Variants in CNTNAP2 observed in about 807,000 individuals in gnomAD.
CNTNAP2 encodes the protein contactin associated protein 2.
Under a neutral mutation model 155.2 loss-of-function variants are expected in CNTNAP2, and 98 were observed. The ratio of observed to expected loss-of-function variants is 0.63; its 90% CI spans 0.54 to 0.75. The LOEUF (loss-of-function observed/expected upper bound fraction) is 0.75, where lower values mean the gene tolerates loss of function less well. CNTNAP2 is among the 30% of genes least tolerant of loss of function. CNTNAP2 has a pLI of 0.00. For synonymous variants in CNTNAP2, 651 were observed against 631.2 expected (o/e 1.03, Z -0.47); for missense variants, 1,727 against 1,688.1 (o/e 1.02, Z -0.40).
chr7:147,095,261 C>T (rs1166660808), intron 4 of CNTNAP2, among the ~76,000 whole-genome samples: 1 of 145,828 alleles, frequency 6.9e-6, no homozygotes, highest in African/African-American at 2.6e-5. Context: ...GTCTCGAACT[C>T]TTTACCTGAA....
rs150514978 is a variant in CNTNAP2, at chr7:148,301,992, C to T, written c.3475+34866C>T. Among the ~76,000 whole-genome samples the T allele has an allele frequency of 8.7e-3, 1,318 of 152,322 alleles. 22 individuals are homozygous for T. The highest frequency in any genetic ancestry group is 0.03 in the African/African-American group (1,255 of 41,562). On this transcript the variant is annotated intron_variant, in intron 21 of 23. Coordinates refer to ENST00000361727, the MANE Select transcript of CNTNAP2 (RefSeq NM_014141.6). Reference sequence around the variant, plus strand: ...CACCAAGGCTAGCTCCTTTACAAGACGGAAGCACAGCCTAGCTGATCTTGC... The same window carrying T: ...CACCAAGGCTAGCTCCTTTACAAGATGGAAGCACAGCCTAGCTGATCTTGC...
chr7:147,435,080 C>A (rs981060816), intron 10 of CNTNAP2, among the ~76,000 whole-genome samples: 2 of 152,098 alleles, frequency 1.3e-5, no homozygotes, highest in Admixed American at 6.6e-5. Context: ...ACACAGAGAT[C>A]TGAAGGAAGC....
At chr7:148,184,228 T>A (rs1438933054) in intron 18 of CNTNAP2, among the ~76,000 whole-genome samples, 2 of 152,118 alleles carry the variant, frequency 1.3e-5, no homozygotes, top group East Asian at 3.9e-4. Flanking sequence ...CCCAAGAGTT[T>A]GAGACCAGCT....
chr7:148,349,835 G>A (rs540131493), intron 21 of CNTNAP2, among the ~76,000 whole-genome samples: 36 of 152,202 alleles, frequency 2.4e-4, no homozygotes, highest in African/African-American at 8.4e-4. Flanking sequence ...AGACAAGGCC[G>A]GCATTTACCT....
At chr7:148,097,367 A>AAAAAAT (rs143367782) in intron 15 of CNTNAP2, among the ~76,000 whole-genome samples, 1 of 147,568 alleles carries the variant, frequency 6.8e-6, no homozygotes, top group Admixed American at 6.8e-5. Flanking sequence ...AAAAAACCAT[A>AAAAAAT]AAAAATAAAA....
intron 1 of CNTNAP2, among the ~76,000 whole-genome samples, chr7:146,219,467 A>G (rs802530): frequency 0.7 from 106,545 of 152,072 alleles, 38,154 homozygotes; most frequent in East Asian, 0.94. Context: ...CTAACAAATA[A>G]TTAGTAGATA....
At chr7:146,366,331 T>C (rs1795154920) in intron 1 of CNTNAP2, among the ~76,000 whole-genome samples, 1 of 152,138 alleles carries the variant, frequency 6.6e-6, no homozygotes, top group African/African-American at 2.4e-5. Flanking sequence ...TTGGGATGTA[T>C]TTCTGATAAT....
intron 1 of CNTNAP2, among the ~76,000 whole-genome samples, chr7:146,131,047 G>A (rs1026281959): frequency 2.6e-5 from 4 of 151,866 alleles, no homozygotes; most frequent in African/African-American, 7.2e-5. Context: ...CATATCAATC[G>A]CTGACTTTAA....
intron 1 of CNTNAP2, among the ~76,000 whole-genome samples, chr7:146,341,577 A>G (rs554686021): frequency 1.3e-5 from 2 of 152,298 alleles, no homozygotes; most frequent in South Asian, 4.1e-4. Context: ...ATTTAATCAC[A>G]CATAACATAG....
At chr7:146,978,133 G>A (rs941536273) in intron 3 of CNTNAP2, among the ~76,000 whole-genome samples, 4 of 152,080 alleles carry the variant, frequency 2.6e-5, no homozygotes, top group Non-Finnish European at 5.9e-5. Flanking sequence ...TTAATTTATA[G>A]TTTACCCTTT....
chr7:148,038,826 AGATG>A (rs58688357), intron 15 of CNTNAP2, among the ~76,000 whole-genome samples: 88,197 of 147,536 alleles, frequency 0.6, 26,275 homozygotes, highest in Admixed American at 0.64. Flanking sequence ...ATGGATGGAT[AGATG>A]GATGGATGGA....
chr7:147,653,717 G>C (rs1344299155), intron 13 of CNTNAP2, among the ~76,000 whole-genome samples: 1 of 152,102 alleles, frequency 6.6e-6, no homozygotes, highest in Non-Finnish European at 1.5e-5. Context: ...ACAGCAACTA[G>C]AACAAACAGT....
chr7:146,949,646 C>T (rs1292082547), intron 3 of CNTNAP2, among the ~76,000 whole-genome samples: 1 of 152,120 alleles, frequency 6.6e-6, no homozygotes, highest in Non-Finnish European at 1.5e-5. Context: ...TTTGTTTTCT[C>T]AGTTATATCA....
intron 15 of CNTNAP2, among the ~76,000 whole-genome samples, chr7:148,032,503 G>A (rs1307558538): frequency 6.6e-6 from 1 of 152,166 alleles, no homozygotes; most frequent in African/African-American, 2.4e-5. Context: ...TGGCCTCTCT[G>A]CTCAGATCTC....
intron 13 of CNTNAP2, among the ~76,000 whole-genome samples, chr7:147,812,940 A>G (rs2116609502): frequency 6.6e-6 from 1 of 152,310 alleles, no homozygotes; most frequent in South Asian, 2.1e-4. Context: ...ATATACATGT[A>G]GTATATATTA....
At chr7:147,962,481 G>A (rs1801132806) in intron 14 of CNTNAP2, among the ~76,000 whole-genome samples, 1 of 152,132 alleles carries the variant, frequency 6.6e-6, no homozygotes, top group African/African-American at 2.4e-5. Context: ...GAAAAAGTAT[G>A]AGCCCAAAGC....
At chr7:147,248,302 T>G (rs533154590) in intron 8 of CNTNAP2, among the ~76,000 whole-genome samples, 1 of 152,214 alleles carries the variant, frequency 6.6e-6, no homozygotes, top group Admixed American at 6.5e-5. Flanking sequence ...TTTTATATAG[T>G]TAAAAGAGAC....
rs149024708 is a variant in CNTNAP2 at position 146,348,844 on chromosome 7, A to G, written c.97+231871A>G. Among the ~76,000 whole-genome samples the G allele has an allele frequency of 2.6e-3, 386 of 148,544 alleles. 6 individuals are homozygous for G. Among genetic ancestry groups the G allele is most frequent in the Middle Eastern group, 7.1e-3 (2 of 280 alleles). ...ATAATATATGTTATATATTATATAT[A>G]ATATACTTAATTTATAACTATTGTA... is the stretch of plus-strand genomic sequence containing the variant. On this transcript the variant is annotated intron_variant, in intron 1 of 23. Transcript: ENST00000361727.
intron 1 of CNTNAP2, among the ~76,000 whole-genome samples, chr7:146,563,844 A>T (rs1177382530): frequency 1.3e-5 from 2 of 152,142 alleles, no homozygotes; most frequent in Admixed American, 6.5e-5. Flanking sequence ...GTCAGGAAAG[A>T]TAGTAACAGT....
Sources: allele counts gnomAD v4.1 joint callset (sites outside exome capture counted in the v4.1 genomes callset), GRCh38; gene constraint gnomAD v4.1.1; transcripts MANE v1.5; gene names NCBI Gene and HGNC (gene_info 2026-07-23, HGNC 2026-07-21).